GRID2: variants seen among roughly 807,000 people sequenced by gnomAD.
The protein encoded by GRID2 is glutamate receptor ionotropic, delta-2.
In GRID2, 33 loss-of-function variants were observed where a neutral mutation model predicts 114.8. That is an observed-to-expected ratio of 0.29 (90% CI 0.22 to 0.38). The LOEUF (loss-of-function observed/expected upper bound fraction) is 0.38. GRID2 is among the 10% of genes least tolerant of loss of function. The probability of loss-of-function intolerance (pLI) is 1.00; values close to 1 mark genes in which losing one functional copy is unlikely to be tolerated. For synonymous variants in GRID2, 505 were observed against 449.9 expected, an observed-to-expected ratio of 1.12 and a Z score of -1.55; for missense variants, 1,184 against 1,257.7, an observed-to-expected ratio of 0.94 and a Z score of 0.89.
chr4:92,442,103 T>G (rs1579368732), intron 1 of GRID2, among the ~76,000 whole-genome samples: 2 of 142,112 alleles, frequency 1.4e-5, no homozygotes, highest in South Asian at 4.8e-4. Flanking sequence ...AAGAAGGTAA[T>G]GTGGAGTGGG....
At chr4:92,762,585 A>G (rs2149346208) in intron 2 of GRID2, among the ~76,000 whole-genome samples, 1 of 152,308 alleles carries the variant, frequency 6.6e-6, no homozygotes, top group Admixed American at 6.5e-5. Context: ...GAAGGAATGA[A>G]ATATGATACC....
intron 1 of GRID2, among the ~76,000 whole-genome samples, chr4:92,527,293 A>T (rs931388629): frequency 6.6e-6 from 1 of 152,160 alleles, no homozygotes; most frequent in Non-Finnish European, 1.5e-5. Flanking sequence ...TGAGCAAGAA[A>T]ATGATTTTAA....
At chr4:93,596,552 T>G (rs1299117392) in intron 13 of GRID2, among the ~76,000 whole-genome samples, 4 of 151,526 alleles carry the variant, frequency 2.6e-5, no homozygotes, top group Admixed American at 6.6e-5. Context: ...CACTCCAGCC[T>G]GGGCGACAGA....
chr4:92,615,301 A>T (rs1030659368), intron 2 of GRID2, among the ~76,000 whole-genome samples: 2 of 151,528 alleles, frequency 1.3e-5, no homozygotes, highest in African/African-American at 4.8e-5. Flanking sequence ...TAATCCCATC[A>T]TGAGGGCTCT....
At chr4:92,709,717 A>T (rs968921293) in intron 2 of GRID2, among the ~76,000 whole-genome samples, 1 of 151,762 alleles carries the variant, frequency 6.6e-6, no homozygotes. Flanking sequence ...TTAAGACATA[A>T]GCTTAGCAAG....
intron 8 of GRID2, among the ~76,000 whole-genome samples, chr4:93,389,416 C>G (rs1764631941): frequency 6.6e-6 from 1 of 152,128 alleles, no homozygotes; most frequent in Non-Finnish European, 1.5e-5. Flanking sequence ...GATACAACAT[C>G]ATATTAGGAC....
At chr4:93,311,545 A>G (rs551987677) in intron 8 of GRID2, among the ~76,000 whole-genome samples, 1 of 152,360 alleles carries the variant, frequency 6.6e-6, no homozygotes, top group East Asian at 1.9e-4. Context: ...AAAATGAGGC[A>G]GGGATTACTT....
chr4:92,444,685 G>T (rs1269471661), intron 1 of GRID2, among the ~76,000 whole-genome samples: 1 of 152,110 alleles, frequency 6.6e-6, no homozygotes, highest in Non-Finnish European at 1.5e-5. Context: ...GTAAAAAGGG[G>T]GCGTTTGTCT....
intron 2 of GRID2, among the ~76,000 whole-genome samples, chr4:92,609,200 A>G (rs928011774): frequency 6.6e-6 from 1 of 151,728 alleles, no homozygotes; most frequent in Non-Finnish European, 1.5e-5. Context: ...TACCAAATAT[A>G]TAACAGTCTG....
intron 2 of GRID2, among the ~76,000 whole-genome samples, chr4:92,779,171 T>A (rs1738945127): frequency 6.7e-6 from 1 of 150,318 alleles, no homozygotes. Context: ...ACTATAATTT[T>A]TAAGTAGTAA....
intron 8 of GRID2, among the ~76,000 whole-genome samples, chr4:93,253,715 T>G (rs1433192520): frequency 3.9e-5 from 6 of 152,096 alleles, no homozygotes; most frequent in Admixed American, 6.6e-5. Context: ...ACATAAAATC[T>G]CAAATTCTAT....
chr4:93,322,366 G>T (rs1298691380), intron 8 of GRID2, among the ~76,000 whole-genome samples: 1 of 152,026 alleles, frequency 6.6e-6, no homozygotes, highest in African/African-American at 2.4e-5. Context: ...TCCTTACAAA[G>T]GACATGAACT....
intron 2 of GRID2, among the ~76,000 whole-genome samples, chr4:93,029,355 C>T (rs972980658): frequency 6.6e-6 from 1 of 152,012 alleles, no homozygotes; most frequent in African/African-American, 2.4e-5. Context: ...AGTAGATTCA[C>T]TAATATTTGT....
intron 2 of GRID2, among the ~76,000 whole-genome samples, chr4:92,715,760 T>A (rs1735514760): frequency 6.6e-6 from 1 of 152,140 alleles, no homozygotes; most frequent in African/African-American, 2.4e-5. Context: ...CACATACGTA[T>A]CACTAGGTCC....
intron 13 of GRID2, among the ~76,000 whole-genome samples, chr4:93,527,173 G>A (rs1483126602): frequency 6.6e-6 from 1 of 152,076 alleles, no homozygotes; most frequent in Non-Finnish European, 1.5e-5. Context: ...AAACATAAAT[G>A]CCATGACTAT....
At chr4:93,026,904 T>G (rs1232820438) in intron 2 of GRID2, among the ~76,000 whole-genome samples, 1 of 152,048 alleles carries the variant, frequency 6.6e-6, no homozygotes, top group Non-Finnish European at 1.5e-5. Flanking sequence ...CCTGAAAAAC[T>G]GCCCATTTAT....
intron 2 of GRID2, among the ~76,000 whole-genome samples, chr4:93,054,363 GA>G (rs138818838): frequency 6.4e-4 from 94 of 147,628 alleles, no homozygotes; most frequent in Middle Eastern, 6.9e-3. Context: ...ATTGTTTAAA[GA>G]AAAAAAAAAC....
intron 8 of GRID2, among the ~76,000 whole-genome samples, chr4:93,268,594 AG>A (rs1751107250): frequency 6.6e-6 from 1 of 152,228 alleles, no homozygotes; most frequent in Non-Finnish European, 1.5e-5. Flanking sequence ...AAATAAAAAC[AG>A]ATTTAAAGAA....
intron 2 of GRID2, among the ~76,000 whole-genome samples, chr4:92,711,640 C>T (rs969032734): frequency 1.2e-4 from 18 of 152,158 alleles, no homozygotes; most frequent in African/African-American, 3.9e-4. Context: ...GGGTGACTCA[C>T]GCCTGTAATC....
Sources: gnomAD v4.1 joint callset for allele counts (sites outside exome capture counted in the v4.1 genomes callset) on GRCh38, gnomAD v4.1.1 for gene constraint, MANE v1.5 for transcripts, NCBI Gene and HGNC (gene_info 2026-07-23, HGNC 2026-07-21) for gene names.